GRM7: variants seen among roughly 807,000 people sequenced by gnomAD.
The protein encoded by GRM7 is metabotropic glutamate receptor 7.
A neutral mutation model predicts 84.5 loss-of-function variants in GRM7; 35 were observed. That is an observed-to-expected ratio of 0.41 (90% CI 0.32 to 0.55). GRM7 has a LOEUF of 0.55. Ranked by LOEUF, GRM7 falls within the 20% of genes least tolerant of loss-of-function variation. GRM7 has a pLI of 0.19. For missense variants in GRM7, 1,003 were observed against 1,194.6 expected, an observed-to-expected ratio of 0.84 and a Z score of 2.36; for synonymous variants, 487 against 455.1, an observed-to-expected ratio of 1.07 and a Z score of -0.89.
At chr3:7,066,677 C>G (rs534270188) in intron 1 of GRM7, among the ~76,000 whole-genome samples, 2 of 151,874 alleles carry the variant, frequency 1.3e-5, no homozygotes, top group African/African-American at 4.8e-5. Flanking sequence ...AGCTATGAAG[C>G]CAGCATCATC....
intron 7 of GRM7, among the ~76,000 whole-genome samples, chr3:7,508,618 A>G (rs1380037171): frequency 1.3e-5 from 2 of 152,152 alleles, no homozygotes; most frequent in African/African-American, 2.4e-5. Context: ...TCCCAAGGGT[A>G]TCTTTAGCAA....
intron 2 of GRM7, among the ~76,000 whole-genome samples, chr3:7,259,834 A>C (rs1698343433): frequency 1.3e-5 from 2 of 151,864 alleles, no homozygotes; most frequent in African/African-American, 4.8e-5. Flanking sequence ...ATTGAATAGC[A>C]GTTCTGTTTT....
At chr3:7,016,217 G>GA (rs770844293) in intron 1 of GRM7, among the ~76,000 whole-genome samples, 8 of 152,150 alleles carry the variant, frequency 5.3e-5, no homozygotes, top group Non-Finnish European at 8.8e-5. Flanking sequence ...TTTGACAACT[G>GA]AAAAAGTGTT....
chr3:7,410,123 C>T (rs1293943722), intron 4 of GRM7, among the ~76,000 whole-genome samples: 4 of 152,096 alleles, frequency 2.6e-5, no homozygotes, highest in Admixed American at 2.6e-4. Context: ...TGAGGAAATA[C>T]TGTAAGCTGA....
intron 9 of GRM7, among the ~76,000 whole-genome samples, chr3:7,726,989 G>A (rs116747113): frequency 0.032 from 4,833 of 151,808 alleles, 249 homozygotes; most frequent in African/African-American, 0.11. Context: ...TGAAATATTT[G>A]AAAAGGTCAC....
At chr3:7,046,420 T>C (rs1696810164) in intron 1 of GRM7, among the ~76,000 whole-genome samples, 1 of 152,108 alleles carries the variant, frequency 6.6e-6, no homozygotes. Flanking sequence ...TTCTTCAACA[T>C]GGAAAACCAC....
At chr3:7,204,406 G>T (rs554131939) in intron 2 of GRM7, among the ~76,000 whole-genome samples, 69 of 152,258 alleles carry the variant, frequency 4.5e-4, no homozygotes, top group Middle Eastern at 3.4e-3. Flanking sequence ...GCTAATATTG[G>T]GTTACCCATC....
At chr3:7,575,397 G>A (rs1694910577) in intron 7 of GRM7, among the ~76,000 whole-genome samples, 1 of 152,142 alleles carries the variant, frequency 6.6e-6, no homozygotes, top group Non-Finnish European at 1.5e-5. Flanking sequence ...GCGGAGTTCA[G>A]GAGAAACTTG....
intron 1 of GRM7, among the ~76,000 whole-genome samples, chr3:7,004,740 A>G (rs1185031885): frequency 5.9e-5 from 9 of 152,170 alleles, no homozygotes; most frequent in Admixed American, 5.9e-4. Context: ...ATGGATTAAA[A>G]ATCCAATCCA....
At chr3:7,340,635 C>T (rs1701603015) in intron 4 of GRM7, among the ~76,000 whole-genome samples, 1 of 152,112 alleles carries the variant, frequency 6.6e-6, no homozygotes, top group Non-Finnish European at 1.5e-5. Flanking sequence ...CCGTGATATC[C>T]AGTCTTCGTT....
chr3:7,681,673 G>C (rs879397337), intron 9 of GRM7: 3 of 152,218 alleles, frequency 2.0e-5, no homozygotes, highest in Non-Finnish European at 4.4e-5. Flanking sequence ...ATTGAGAGGA[G>C]GGCAAGTGGA....
chr3:7,651,027 G>C (rs951137840), intron 8 of GRM7, among the ~76,000 whole-genome samples: 1 of 136,200 alleles, frequency 7.3e-6, no homozygotes, highest in Non-Finnish European at 1.7e-5. Context: ...GAAAATTGTG[G>C]GGAAAGAAGG....
At chr3:7,416,030 G>T (rs1696144948) in intron 5 of GRM7, among the ~76,000 whole-genome samples, 2 of 152,098 alleles carry the variant, frequency 1.3e-5, no homozygotes, top group African/African-American at 4.8e-5. Context: ...GGCTGGTTAG[G>T]GAAGGAAAAT....
At chr3:6,978,225 G>T (rs2124825223) in intron 1 of GRM7, among the ~76,000 whole-genome samples, 2 of 151,762 alleles carry the variant, frequency 1.3e-5, no homozygotes, top group Middle Eastern at 3.4e-3. Context: ...GTAGAGGGAG[G>T]CAAGATGGTG....
At chr3:7,031,489 T>G (rs1394585605) in intron 1 of GRM7, among the ~76,000 whole-genome samples, 1 of 151,986 alleles carries the variant, frequency 6.6e-6, no homozygotes, top group African/African-American at 2.4e-5. Context: ...TGATCTCGGC[T>G]CACTGCAAGC....
chr3:7,158,776 T>A (rs1694534146), intron 2 of GRM7, among the ~76,000 whole-genome samples: 1 of 152,222 alleles, frequency 6.6e-6, no homozygotes, highest in African/African-American at 2.4e-5. Flanking sequence ...CTTTTTAATT[T>A]AAATTTTATT....
chr3:7,202,882 A>G (rs1696112493), intron 2 of GRM7, among the ~76,000 whole-genome samples: 1 of 152,152 alleles, frequency 6.6e-6, no homozygotes, highest in Admixed American at 6.5e-5. Context: ...GCCCACCAGC[A>G]TTTTTCAAAA....
intron 1 of GRM7, among the ~76,000 whole-genome samples, chr3:7,112,829 G>C (rs2125036189): frequency 6.6e-6 from 1 of 152,268 alleles, no homozygotes; most frequent in South Asian, 2.1e-4. Flanking sequence ...TGAGTGACTG[G>C]TATGACTGAT....
Position 6,993,145 on chromosome 3 carries a change from G to A in GRM7, c.519+131238G>A, listed in dbSNP as rs143422343. 3.8e-3 allele frequency among the ~76,000 whole-genome samples: 585 copies of A among 152,312 alleles called. 1 individual carries two copies. The highest frequency in any genetic ancestry group is 6.3e-3 in the Non-Finnish European group (426 of 68,040). ...AAGAAAACAAGAATGAGAACTGAGT[G>A]AAGGAGAAGCCCCTTATAAAAGCAT... On this transcript the variant is annotated intron_variant, in intron 1 of 9. Coordinates refer to ENST00000357716, the MANE Select transcript of GRM7 (RefSeq NM_000844.4).
Sources: allele counts gnomAD v4.1 joint callset (sites outside exome capture counted in the v4.1 genomes callset), GRCh38; gene constraint gnomAD v4.1.1; transcripts MANE v1.5; gene names NCBI Gene and HGNC (gene_info 2026-07-23, HGNC 2026-07-21).